ERBB4: variants seen among roughly 807,000 people sequenced by gnomAD.
ERBB4 encodes erb-b2 receptor tyrosine kinase 4, also known as receptor tyrosine-protein kinase erbB-4.
A neutral mutation model predicts 158.0 loss-of-function variants in ERBB4; 42 were observed. That is an observed-to-expected ratio of 0.27 (90% CI 0.21 to 0.34). The LOEUF (loss-of-function observed/expected upper bound fraction) is 0.34, where lower values mean the gene tolerates loss of function less well. Ranked by LOEUF, ERBB4 falls within the 10% of genes least tolerant of loss-of-function variation. The probability of loss-of-function intolerance (pLI) is 1.00; values close to 1 mark genes in which losing one functional copy is unlikely to be tolerated. For missense variants in ERBB4, 1,333 were observed against 1,624.1 expected, an observed-to-expected ratio of 0.82 and a Z score of 3.08; for synonymous variants, 583 against 558.7, an observed-to-expected ratio of 1.04 and a Z score of -0.61.
At chr2:211,987,007 TTCC>T (rs2081954563) in intron 2 of ERBB4, among the ~76,000 whole-genome samples, 1 of 151,984 alleles carries the variant, frequency 6.6e-6, no homozygotes, top group Non-Finnish European at 1.5e-5. Context: ...AAGATACTAG[TTCC>T]AGTCATAAAT....
At chr2:211,580,883 AT>A (rs2068078004) in intron 19 of ERBB4, among the ~76,000 whole-genome samples, 1 of 3,602 alleles carries the variant, frequency 2.8e-4, no homozygotes, top group African/African-American at 7.3e-4. Flanking sequence ...ATATATATAT[AT>A]ATATATATAT....
intron 20 of ERBB4, among the ~76,000 whole-genome samples, chr2:211,486,865 T>A (rs1489910283): frequency 2.6e-5 from 4 of 152,054 alleles, no homozygotes; most frequent in African/African-American, 4.8e-5. Context: ...CAGGAAAAAG[T>A]TAGTTTTGTT....
chr2:211,386,392 T>C (rs1358549152), intron 27 of ERBB4, among the ~76,000 whole-genome samples: 1 of 152,214 alleles, frequency 6.6e-6, no homozygotes, highest in Non-Finnish European at 1.5e-5. Context: ...TGTTTAAATG[T>C]CATCATTTAA....
At chr2:211,848,345 A>G (rs2077638806) in intron 3 of ERBB4, among the ~76,000 whole-genome samples, 1 of 152,076 alleles carries the variant, frequency 6.6e-6, no homozygotes, top group Non-Finnish European at 1.5e-5. Flanking sequence ...AAAACTTGCA[A>G]GTAATATGGT....
intron 3 of ERBB4, among the ~76,000 whole-genome samples, chr2:211,853,649 A>C (rs558314264): frequency 3.8e-4 from 58 of 152,212 alleles, no homozygotes; most frequent in African/African-American, 1.3e-3. Context: ...CTAAGCAGAA[A>C]CAAGCATTCC....
chr2:211,809,312 C>T (rs1349853412), intron 3 of ERBB4, among the ~76,000 whole-genome samples: 1 of 152,168 alleles, frequency 6.6e-6, no homozygotes, highest in Non-Finnish European at 1.5e-5. Flanking sequence ...GTGAATCCAT[C>T]TGGTCCTGGA....
In ERBB4 at chr2:212,375,571, T is replaced by C. The variant is rs142801441; in HGVS notation, c.82+162878A>G. Reference sequence around the variant, plus strand: ...GTAAATGTGGATTATTACCTGATTCTGGATGTTACAGTTCTTAGAAGAATG... The same window carrying C: ...GTAAATGTGGATTATTACCTGATTCCGGATGTTACAGTTCTTAGAAGAATG... On this transcript the variant is annotated intron_variant, in intron 1 of 27. Coordinates refer to ENST00000342788, the MANE Select transcript of ERBB4 (RefSeq NM_005235.3). Among the ~76,000 whole-genome samples the C allele has an allele frequency of 5.3e-5, 8 of 152,238 alleles. No individual in the cohort carries two copies. The East Asian group carries it at 1.4e-3, about 26-fold the overall frequency.
intron 1 of ERBB4, among the ~76,000 whole-genome samples, chr2:212,156,511 C>T (rs2081039996): frequency 6.6e-6 from 1 of 152,114 alleles, no homozygotes; most frequent in Admixed American, 6.6e-5. Context: ...GCATACCCAA[C>T]CAAGCCTATA....
chr2:212,008,958 G>A (rs911198102), intron 2 of ERBB4, among the ~76,000 whole-genome samples: 1 of 152,086 alleles, frequency 6.6e-6, no homozygotes, highest in Non-Finnish European at 1.5e-5. Flanking sequence ...GTTCACATGA[G>A]TAAGCCTATA....
At chr2:211,952,703 T>C (rs1350829319) in intron 2 of ERBB4, among the ~76,000 whole-genome samples, 1 of 152,034 alleles carries the variant, frequency 6.6e-6, no homozygotes, top group Admixed American at 6.6e-5. Flanking sequence ...TTAGCCTCAG[T>C]TTCTTCATCT....
rs561807106 is a variant in ERBB4, at chr2:211,709,356, A to T, written c.1124+2694T>A. 8.0e-5 allele frequency among the ~76,000 whole-genome samples: 12 copies of T among 149,870 alleles called. No homozygotes were observed. The East Asian group carries it at 2.2e-3, about 27-fold the overall frequency. ...ATAACTAGTAGAAATCTAGAGTTTT[A>T]ATAATTATGTTCTATGATGAACCAA... On this transcript the variant is annotated intron_variant, in intron 9 of 27. Coordinates refer to ENST00000342788, the MANE Select transcript of ERBB4 (RefSeq NM_005235.3).
intron 2 of ERBB4, among the ~76,000 whole-genome samples, chr2:212,058,621 C>T (rs559165226): frequency 6.6e-6 from 1 of 152,158 alleles, no homozygotes; most frequent in Non-Finnish European, 1.5e-5. Flanking sequence ...CCCTGGAATG[C>T]AAGGCTGGTT....
At chr2:212,152,108 T>A (rs1009248422) in intron 1 of ERBB4, among the ~76,000 whole-genome samples, 1 of 152,292 alleles carries the variant, frequency 6.6e-6, no homozygotes, top group South Asian at 2.1e-4. Flanking sequence ...TAAGGCTCTA[T>A]TGTTTTTTTA....
chr2:211,411,043 G>C (rs532081098), intron 25 of ERBB4, among the ~76,000 whole-genome samples: 2 of 152,126 alleles, frequency 1.3e-5, no homozygotes, highest in African/African-American at 2.4e-5. Flanking sequence ...TGAGTAGCTG[G>C]GATTATAGGC....
chr2:211,941,889 C>T (rs188900852), intron 3 of ERBB4, among the ~76,000 whole-genome samples: 2 of 152,084 alleles, frequency 1.3e-5, no homozygotes, highest in East Asian at 3.9e-4. Flanking sequence ...CTAAACACCC[C>T]CAATGTGAAA....
At chr2:211,445,061 C>G (rs1288463505) in intron 20 of ERBB4, among the ~76,000 whole-genome samples, 1 of 152,016 alleles carries the variant, frequency 6.6e-6, no homozygotes, top group Non-Finnish European at 1.5e-5. Flanking sequence ...AAAATGACAA[C>G]TTCTTTGAGG....
chr2:211,633,809 TTAG>T (rs1270370606), intron 16 of ERBB4, among the ~76,000 whole-genome samples: 2 of 151,610 alleles, frequency 1.3e-5, no homozygotes, highest in Non-Finnish European at 2.9e-5. Flanking sequence ...GATTTTGATG[TTAG>T]TAGAAAATAT....
chr2:211,662,649 T>C (rs12105874), intron 15 of ERBB4, among the ~76,000 whole-genome samples: 109,391 of 152,000 alleles, frequency 0.72, 40,156 homozygotes, highest in Middle Eastern at 0.82. Context: ...CTTGTTGTTT[T>C]CATGGATATT....
intron 1 of ERBB4, among the ~76,000 whole-genome samples, chr2:212,145,654 C>T (rs911744403): frequency 4.0e-5 from 6 of 149,308 alleles, no homozygotes; most frequent in African/African-American, 1.5e-4. Context: ...GCAGGTCACA[C>T]CTGAGATTCA....
Sources: allele counts gnomAD v4.1 joint callset (sites outside exome capture counted in the v4.1 genomes callset), GRCh38; gene constraint gnomAD v4.1.1; transcripts MANE v1.5; gene names NCBI Gene and HGNC (gene_info 2026-07-23, HGNC 2026-07-21).